The following EYS variants were observed in gnomAD, a reference collection of about 807,000 sequenced individuals.
EYS encodes the protein EGF-like photoreceptor maintenance factor, also known as protein eyes shut homolog.
In EYS, 250 loss-of-function variants were observed where a neutral mutation model predicts 282.1. That is an observed-to-expected ratio of 0.89 (90% CI 0.80 to 0.98). The LOEUF is 0.98. EYS is among the 50% of genes least tolerant of loss of function. The pLI is 0.00. For missense variants in EYS, 4,016 were observed against 3,709.0 expected (o/e 1.08, Z -2.15); for synonymous variants, 1,355 against 1,282.9 (o/e 1.06, Z -1.20).
chr6:64,939,468 A>G (rs1562267260), intron 15 of EYS, among the ~76,000 whole-genome samples: 1 of 151,894 alleles, frequency 6.6e-6, no homozygotes. Flanking sequence ...TGAATATTAA[A>G]GTATTTTGAA....
At chr6:65,683,435 T>C (rs866912649) in intron 1 of EYS, among the ~76,000 whole-genome samples, 2 of 151,744 alleles carry the variant, frequency 1.3e-5, no homozygotes, top group South Asian at 2.1e-4. Context: ...TCTTAACTAC[T>C]ATTGCAATAA....
intron 31 of EYS, among the ~76,000 whole-genome samples, chr6:64,136,582 G>A (rs548544836): frequency 6.6e-6 from 1 of 152,186 alleles, no homozygotes; most frequent in East Asian, 1.9e-4. Context: ...CAGAATGGAT[G>A]TTGTATTGTC....
intron 1 of EYS, among the ~76,000 whole-genome samples, chr6:65,677,825 T>TA (rs1274121332): frequency 6.6e-6 from 1 of 152,066 alleles, no homozygotes; most frequent in African/African-American, 2.4e-5. Context: ...AATAACATGA[T>TA]ACAGGCATAA....
At chr6:64,634,666 C>G (rs554398217) in intron 22 of EYS, among the ~76,000 whole-genome samples, 1 of 152,012 alleles carries the variant, frequency 6.6e-6, no homozygotes, top group African/African-American at 2.4e-5. Context: ...TTAAAAACAA[C>G]TGCTCCACAT....
intron 22 of EYS, among the ~76,000 whole-genome samples, chr6:64,759,376 T>C (rs1773086259): frequency 6.6e-6 from 1 of 152,188 alleles, no homozygotes; most frequent in Non-Finnish European, 1.5e-5. Context: ...ATAACTTATT[T>C]TTAGGTATTT....
At chr6:65,659,960 G>C (rs1562314420) in intron 1 of EYS, among the ~76,000 whole-genome samples, 1 of 151,812 alleles carries the variant, frequency 6.6e-6, no homozygotes, top group East Asian at 1.9e-4. Context: ...GGGTGTTCAT[G>C]AGTTTAAGAG....
intron 12 of EYS, among the ~76,000 whole-genome samples, chr6:65,100,516 A>C (rs551828550): frequency 7.1e-6 from 1 of 141,132 alleles, no homozygotes; most frequent in African/African-American, 2.6e-5. Context: ...AATGATAACA[A>C]AGATGTTTGG....
At chr6:64,274,481 G>GTTTTTTGTTT (rs1768042548) in intron 30 of EYS, among the ~76,000 whole-genome samples, 1 of 92,230 alleles carries the variant, frequency 1.1e-5, no homozygotes, top group African/African-American at 4.7e-5. Flanking sequence ...ACGCCTGGCC[G>GTTTTTTGTTT]TTTTTTTTTT....
intron 37 of EYS, among the ~76,000 whole-genome samples, chr6:63,794,358 G>A (rs1004096260): frequency 1.3e-5 from 2 of 152,170 alleles, no homozygotes; most frequent in Non-Finnish European, 2.9e-5. Context: ...GTCGGGAACA[G>A]AAGTAGTACA....
intron 19 of EYS, among the ~76,000 whole-genome samples, 200 bp from the exon 20 acceptor site, chr6:64,823,022 A>C (rs563991123): frequency 6.6e-6 from 1 of 152,152 alleles, no homozygotes; most frequent in South Asian, 2.1e-4. Flanking sequence ...TTTAATGTGA[A>C]TGACAAAAAC....
intron 26 of EYS, among the ~76,000 whole-genome samples, chr6:64,575,505 G>A (rs1197816390): frequency 2.6e-5 from 4 of 152,112 alleles, no homozygotes; most frequent in Non-Finnish European, 4.4e-5. Context: ...AAGGTGGTAA[G>A]AACTGCCTCA....
At chr6:64,180,625 T>C (rs939207309) in intron 31 of EYS, among the ~76,000 whole-genome samples, 1 of 152,096 alleles carries the variant, frequency 6.6e-6, no homozygotes, top group African/African-American at 2.4e-5. Context: ...GCCATCTTTA[T>C]GTCTATGTTT....
At chr6:64,982,155 AC>A (rs1220463766) in intron 14 of EYS, among the ~76,000 whole-genome samples, 1 of 151,358 alleles carries the variant, frequency 6.6e-6, no homozygotes, top group East Asian at 1.9e-4. Context: ...TCAATGTTAC[AC>A]TATTCCCATT....
chr6:64,370,012 G>A (rs1356898808), intron 29 of EYS, among the ~76,000 whole-genome samples: 3 of 151,968 alleles, frequency 2.0e-5, no homozygotes, highest in African/African-American at 4.8e-5. Context: ...CTATTTGGAT[G>A]TGTTTTATTT....
chr6:64,672,387 C>T (rs1389304898), intron 22 of EYS, among the ~76,000 whole-genome samples: 3 of 152,128 alleles, frequency 2.0e-5, no homozygotes, highest in African/African-American at 7.2e-5. Context: ...CTCTATATAT[C>T]TTGATGACTT....
intron 29 of EYS, among the ~76,000 whole-genome samples, chr6:64,346,667 C>A (rs375002739): frequency 2.0e-5 from 3 of 151,514 alleles, no homozygotes; most frequent in Non-Finnish European, 4.4e-5. Flanking sequence ...CAAACCTGCA[C>A]GTTGGGCGCA....
intron 28 of EYS, among the ~76,000 whole-genome samples, chr6:64,404,614 G>A (rs924615607): frequency 1.5e-4 from 23 of 152,128 alleles, no homozygotes; most frequent in African/African-American, 1.9e-4. Flanking sequence ...AACAGCATTA[G>A]GGTCCTTCTT....
chr6:64,343,851 G>A (rs1442473365), intron 29 of EYS, among the ~76,000 whole-genome samples: 2 of 151,654 alleles, frequency 1.3e-5, no homozygotes, highest in Non-Finnish European at 2.9e-5. Flanking sequence ...TCAAATAGAC[G>A]CAATAAAAAA....
At chr6:64,109,186 T>C (rs537343649) in intron 31 of EYS, among the ~76,000 whole-genome samples, 1 of 152,170 alleles carries the variant, frequency 6.6e-6, no homozygotes, top group African/African-American at 2.4e-5. Flanking sequence ...TAACTAACTC[T>C]GTAAACATTA....
Sources: gnomAD v4.1 joint callset for allele counts (sites outside exome capture counted in the v4.1 genomes callset) on GRCh38, gnomAD v4.1.1 for gene constraint, MANE v1.5 for transcripts, NCBI Gene and HGNC (gene_info 2026-07-23, HGNC 2026-07-21) for gene names.